The following CSGALNACT1 variants were observed in gnomAD, a reference collection of about 807,000 sequenced individuals.
The protein encoded by CSGALNACT1 is beta4GalNAcT-1.
A neutral mutation model predicts 51.0 loss-of-function variants in CSGALNACT1; 52 were observed. That is an observed-to-expected ratio of 1.02 (90% CI 0.82 to 1.29). The LOEUF (loss-of-function observed/expected upper bound fraction) is 1.29, where lower values mean the gene tolerates loss of function less well. Ranked by LOEUF, CSGALNACT1 falls within the 50% of genes most tolerant of loss-of-function variation. The pLI is 0.00. For synonymous variants in CSGALNACT1, 341 were observed against 254.4 expected, an observed-to-expected ratio of 1.34 and a Z score of -3.24; for missense variants, 935 against 679.2, an observed-to-expected ratio of 1.38 and a Z score of -4.19.
intron 4 of CSGALNACT1, among the ~76,000 whole-genome samples, chr8:19,503,445 A>T (rs1464492749): frequency 6.6e-6 from 1 of 152,224 alleles, no homozygotes; most frequent in Non-Finnish European, 1.5e-5. Flanking sequence ...ATATGAATGC[A>T]GATTGAACAT....
chr8:19,481,245 C>T (rs1347403640), intron 4 of CSGALNACT1, among the ~76,000 whole-genome samples: 1 of 152,238 alleles, frequency 6.6e-6, no homozygotes, highest in East Asian at 1.9e-4. Flanking sequence ...GCCCATCGAC[C>T]TCTGTGCCCT....
intron 3 of CSGALNACT1, among the ~76,000 whole-genome samples, chr8:19,561,539 A>G (rs1450713766): frequency 6.6e-6 from 1 of 152,194 alleles, no homozygotes; most frequent in Non-Finnish European, 1.5e-5. Flanking sequence ...AAAAAATTCA[A>G]ATCTAACTGT....
At chr8:19,706,246 G>C (rs992580051) in intron 1 of CSGALNACT1, among the ~76,000 whole-genome samples, 8 of 152,248 alleles carry the variant, frequency 5.3e-5, no homozygotes, top group Admixed American at 4.6e-4. Flanking sequence ...TCTGCTTCAT[G>C]CTCTAAAGGT....
chr8:19,597,582 G>T (rs545571066), intron 2 of CSGALNACT1, among the ~76,000 whole-genome samples: 1 of 152,148 alleles, frequency 6.6e-6, no homozygotes, highest in East Asian at 1.9e-4. Context: ...TCCGATTACA[G>T]GTGTGAGCCA....
intron 1 of CSGALNACT1, among the ~76,000 whole-genome samples, chr8:19,681,506 C>G (rs2060618421): frequency 6.6e-6 from 1 of 152,128 alleles, no homozygotes; most frequent in African/African-American, 2.4e-5. Context: ...GGAGAGAGGT[C>G]AGAGCAGATA....
intron 1 of CSGALNACT1, among the ~76,000 whole-genome samples, chr8:19,731,990 T>C (rs1467935727): frequency 1.3e-5 from 2 of 152,246 alleles, no homozygotes; most frequent in Non-Finnish European, 2.9e-5. Flanking sequence ...AATGAGTTGA[T>C]AGCACGCAGA....
intron 6 of CSGALNACT1, among the ~76,000 whole-genome samples, chr8:19,427,853 T>C (rs1164675595): frequency 6.6e-6 from 1 of 152,070 alleles, no homozygotes; most frequent in African/African-American, 2.4e-5. Flanking sequence ...TCATGCACCT[T>C]TGCCACAGGG....
chr8:19,495,416 G>A (rs1185897723), intron 4 of CSGALNACT1, among the ~76,000 whole-genome samples: 2 of 152,160 alleles, frequency 1.3e-5, no homozygotes, highest in African/African-American at 2.4e-5. Flanking sequence ...TTAACCCATC[G>A]TATGCCTGCA....
chr8:19,405,562 A>T, exon 10 of CSGALNACT1: 1 of 698,176 alleles, frequency 1.4e-6, no homozygotes, highest in Non-Finnish European at 2.6e-6. Context: ...TTTGTCAGAC[A>T]CTTCACAGGG....
intron 4 of CSGALNACT1, 45 bp from the exon 4 acceptor site, chr8:19,458,687 T>C: frequency 6.3e-7 from 1 of 1,579,042 alleles, no homozygotes; most frequent in South Asian, 1.1e-5. Flanking sequence ...AAATTAACCT[T>C]GGCTGCTGAG....
At chr8:19,736,279 T>A (rs1390078808) in intron 1 of CSGALNACT1, among the ~76,000 whole-genome samples, 1 of 152,208 alleles carries the variant, frequency 6.6e-6, no homozygotes, top group Non-Finnish European at 1.5e-5. Flanking sequence ...ACTTGTAGTC[T>A]ATGGCTGCTT....
At chr8:19,420,353 C>T (rs1328981217) in exon 7 of CSGALNACT1, 7 of 1,614,016 alleles carry the variant, frequency 4.3e-6, no homozygotes, top group Non-Finnish European at 5.9e-6. Flanking sequence ...GCTGTGTATT[C>T]AGCCTACACG....
chr8:19,408,547 G>C, intron 9 of CSGALNACT1, 66 bp downstream of exon 8: 1 of 982,720 alleles, frequency 1.0e-6, no homozygotes, highest in South Asian at 1.3e-5. Flanking sequence ...AACCCTACTT[G>C]ATTCCTTCAA....
rs532290417 is a variant in CSGALNACT1, at chr8:19,707,750, C to T, written c.-297+50100G>A. ...GTGTGGTGGCTCACACCTGTAATCC[C>T]AACATTTTGGGAGGCTGATGTGTGT... On this transcript the variant is annotated intron_variant, in intron 1 of 1. Coordinates refer to the CSGALNACT1 transcript ENST00000517494. Among the ~76,000 whole-genome samples the T allele has an allele frequency of 4.6e-5, 7 of 152,264 alleles. No homozygotes were observed. The South Asian group carries it at 1.5e-3, about 32-fold the overall frequency.
At chr8:19,602,332 G>A (rs899803611) in exon 1 of CSGALNACT1, 5 of 152,388 alleles carry the variant, frequency 3.3e-5, no homozygotes, top group Middle Eastern at 3.4e-3. Flanking sequence ...TAAAAAAAAC[G>A]GTTTCATGAA....
At position 19,493,069 on chromosome 8, in the gene CSGALNACT1, AAAC is replaced by A. The variant is rs200302940; in HGVS notation, c.634+12129_634+12131del. Among the ~76,000 whole-genome samples, 545 of 151,962 alleles carry A rather than the reference AAAC, an allele frequency of 3.6e-3. 2 individuals carry two copies. The highest frequency in any genetic ancestry group is 0.013 in the African/African-American group (524 of 41,334). On this transcript the variant is annotated intron_variant, in intron 4 of 9. Transcript: ENST00000454498. Reference sequence around the variant, plus strand: ...AAATTCTTTTTTTGAAAAAAAAAAAAAACATCTGTAAATATGTTTGCAACAGAT... The same window carrying A: ...AAATTCTTTTTTTGAAAAAAAAAAAAATCTGTAAATATGTTTGCAACAGAT...
At position 19,458,652 on chromosome 8, in the gene CSGALNACT1, G is replaced by C. The variant is rs375165056; in HGVS notation, c.635-10C>G. On this transcript the variant is annotated splice_polypyrimidine_tract_variant and intron_variant, in intron 4 of 9. Coordinates refer to ENST00000454498, the Ensembl canonical transcript of CSGALNACT1. ...TCTGTTCGGTAGATCCCTGTTAAGA[G>C]AAAAACAAGGAAAGATAGTTCTAAA... 1.5e-5 allele frequency: 24 copies of C among 1,612,148 alleles called. No homozygotes were observed. The highest frequency in any genetic ancestry group is 1.6e-4 in the Middle Eastern group (1 of 6,076).
intron 3 of CSGALNACT1, among the ~76,000 whole-genome samples, chr8:19,512,185 T>C (rs1003007545): frequency 1.3e-5 from 2 of 152,202 alleles, no homozygotes; most frequent in Non-Finnish European, 1.5e-5. Flanking sequence ...AGCTGCTGTG[T>C]TGTGAGCAGC....
At chr8:19,631,548 G>A (rs2055259224) in intron 1 of CSGALNACT1, among the ~76,000 whole-genome samples, 1 of 152,188 alleles carries the variant, frequency 6.6e-6, no homozygotes, top group Non-Finnish European at 1.5e-5. Flanking sequence ...GAGGGCTCCA[G>A]TGAGAACAAA....
Sources: gnomAD v4.1 joint callset for allele counts (sites outside exome capture counted in the v4.1 genomes callset) on GRCh38, gnomAD v4.1.1 for gene constraint, MANE v1.5 for transcripts, NCBI Gene and HGNC (gene_info 2026-07-23, HGNC 2026-07-21) for gene names.